CLDN19: variants seen among roughly 807,000 people sequenced by gnomAD.
The protein encoded by CLDN19 is claudin 19.
CLDN19 carries 19 observed loss-of-function variants against 24.5 expected under a neutral mutation model. That is an observed-to-expected ratio of 0.78 (90% CI 0.54 to 1.14). The LOEUF (loss-of-function observed/expected upper bound fraction) is 1.14. CLDN19 is among the 50% of genes most tolerant of loss of function. CLDN19 has a pLI of 0.00. For missense variants in CLDN19, 250 were observed against 295.9 expected, an observed-to-expected ratio of 0.84 and a Z score of 1.14; for synonymous variants, 117 against 129.6, an observed-to-expected ratio of 0.90 and a Z score of 0.66.
chr1:42,736,067 G>T, intron 3 of CLDN19, 37 bp from the exon 4 acceptor site: 1 of 1,407,886 alleles, frequency 7.1e-7, no homozygotes, highest in Non-Finnish European at 9.9e-7. Flanking sequence ...AGGTGTGGCT[G>T]CCGTCTCAGG....
intron 1 of CLDN19, among the ~76,000 whole-genome samples, chr1:42,739,537 A>G (rs1034318563): frequency 1.3e-5 from 2 of 152,208 alleles, no homozygotes; most frequent in African/African-American, 4.8e-5. Context: ...AGAGTGCCAC[A>G]GGTATTAGTA....
rs1297176277 is a variant in CLDN19 at position 42,733,782 on chromosome 1, GGT to G, written c.*1302_*1303del. 2 of 152,890 alleles carry G rather than the reference GGT, an allele frequency of 1.3e-5. No individual in the cohort carries two copies. Among genetic ancestry groups the G allele is most frequent in the Admixed American group, 6.5e-5 (1 of 15,282 alleles). 9.5% of individuals were successfully genotyped at this position (152,890 alleles called of 1,614,324 possible). ...GCACCGGCCAGGCCAGGCGCCGAGG[GGT>G]CAGTCCCCCAGCAGCTCCCTGCCAT... On this transcript the variant is annotated 3_prime_UTR_variant, in exon 5 of 5. Coordinates refer to ENST00000296387, the MANE Select transcript of CLDN19 (RefSeq NM_148960.3).
chr1:42,738,564 GCCCGCGC>G lies in CLDN19; in HGVS notation c.238_244del (p.Ala80ProfsTer2). On this transcript the variant is annotated frameshift_variant, in exon 2 of 5. Coordinates refer to ENST00000296387, the MANE Select transcript of CLDN19 (RefSeq NM_148960.3). LOFTEE classifies it high-confidence loss of function. ...CAGGAGCACGGCCACCACCATCAGG[GCCCGCGC>G]TGATTGGATGTGACCTAGGGTGGGC... The G allele has an allele frequency of 6.2e-7, 1 of 1,613,834 alleles. No individual in the cohort carries two copies.
chr1:42,738,972 C>A (rs530730165), intron 1 of CLDN19, among the ~76,000 whole-genome samples: 2 of 152,236 alleles, frequency 1.3e-5, no homozygotes, highest in African/African-American at 4.8e-5. Context: ...AGGCCCAGCT[C>A]AACTCAGCCT....
intron 4 of CLDN19, 135 bp from the exon 5 acceptor site, chr1:42,735,269 G>T: frequency 1.3e-6 from 2 of 1,540,522 alleles, no homozygotes; most frequent in East Asian, 4.9e-5. Flanking sequence ...CCTGCCTGGG[G>T]CCCATTCCCG....
chr1:42,736,027 A>T lies in CLDN19; in HGVS notation c.477T>A (p.Tyr159Ter). 6.4e-7 allele frequency: 1 copy of T among 1,571,452 alleles called. No homozygotes were observed. The highest frequency in any genetic ancestry group is 8.6e-7 in the Non-Finnish European group (1 of 1,158,250). The change falls in exon 4 of 5, where the codon TAT becomes TAA. Residue 159 changes from tyrosine (Y) to a stop codon, truncating the protein, a stop_gained. Coordinates refer to ENST00000296387, the MANE Select transcript of CLDN19 (RefSeq NM_148960.3). LOFTEE classifies it high-confidence loss of function. ...CCACGAACAGGGCTGGGCCAAATTC[A>T]TACCTGCAAGGGGTAGGGAGAGTGG... ...FNPSTPVNAR[Y>*]EFGPALFVGW... is the part of the protein sequence containing the mutation.
chr1:42,740,140 G>A lies in CLDN19; in HGVS notation c.-77C>T, dbSNP rs938486454. ...CCAGCAGGGGCTTTGGTCATGGCCA[G>A]GTGGGAGGAGCAGCTGGGCAGGGGG... On this transcript the variant is annotated 5_prime_UTR_variant, in exon 1 of 5. Transcript: ENST00000296387. 3 of 1,106,830 alleles carry A rather than the reference G, an allele frequency of 2.7e-6. No individual in the cohort carries two copies. The East Asian group carries it at 7.7e-5, about 28-fold the overall frequency. The allele number at this position is 1,106,830 out of a possible 1,614,324, so 68.6% of individuals were successfully genotyped here. A position where few individuals can be genotyped will look rare whatever the true frequency, so the allele number is the denominator to read the frequency against.
chr1:42,736,397 C>G (rs1651373777), intron 3 of CLDN19, among the ~76,000 whole-genome samples: 1 of 151,936 alleles, frequency 6.6e-6, no homozygotes, highest in African/African-American at 2.4e-5. Context: ...TTCCCAGTCA[C>G]ATTCTGGCCC....
At chr1:42,735,849 T>C (rs748466759) in intron 4 of CLDN19, 29 bp downstream of exon 4, 2 of 1,564,544 alleles carry the variant, frequency 1.3e-6, no homozygotes, top group East Asian at 4.7e-5. Flanking sequence ...GGTGGGGGGC[T>C]GGCCAGGGCA....
intron 1 of CLDN19, 151 bp downstream of exon 1, chr1:42,739,690 C>T (rs370233621): frequency 4.1e-6 from 3 of 726,732 alleles, no homozygotes; most frequent in East Asian, 2.7e-5. Flanking sequence ...TGGCCTGGAC[C>T]GTCAATGGGC....
chr1:42,738,201 A>G (rs1160356438), intron 3 of CLDN19, 28 bp downstream of exon 3: 2 of 1,581,910 alleles, frequency 1.3e-6, no homozygotes, highest in South Asian at 1.1e-5. Context: ...GAGGAGGTAA[A>G]GCAAAAGACC....
chr1:42,737,652 G>A (rs939898903), intron 3 of CLDN19, among the ~76,000 whole-genome samples: 2 of 152,182 alleles, frequency 1.3e-5, no homozygotes, highest in Admixed American at 1.3e-4. Flanking sequence ...ACTTGCCCAG[G>A]TGACACAGTG....
At chr1:42,739,643 A>G (rs1016750761) in intron 1 of CLDN19, among the ~76,000 whole-genome samples, 198 bp downstream of exon 1, 2 of 152,210 alleles carry the variant, frequency 1.3e-5, no homozygotes, top group Non-Finnish European at 2.9e-5. Flanking sequence ...CACAGCCGCC[A>G]GACCCTAGAG....
intron 4 of CLDN19, chr1:42,735,545 A>T (rs12141833): frequency 9.2e-6 from 13 of 1,416,316 alleles, no homozygotes; most frequent in East Asian, 7.6e-5. Context: ...CAGACACCCA[A>T]GCAGCTCTTC....
chr1:42,736,069 C>G, intron 3 of CLDN19, 39 bp from the exon 4 acceptor site: 1 of 1,401,654 alleles, frequency 7.1e-7, no homozygotes. Context: ...GTGTGGCTGC[C>G]GTCTCAGGTT....
At chr1:42,735,523 C>T (rs1223403161) in intron 4 of CLDN19, 10 of 1,416,538 alleles carry the variant, frequency 7.1e-6, no homozygotes, top group Non-Finnish European at 9.2e-6. Context: ...ATCTCTAGGG[C>T]CCAGCACGTA....
In CLDN19 at chr1:42,735,008, T is replaced by C; in HGVS notation, c.*78A>G. The C allele has an allele frequency of 8.5e-7, 1 of 1,179,232 alleles. No homozygotes were observed. The allele number at this position is 1,179,232 out of a possible 1,614,324, so 73.0% of individuals were successfully genotyped here. ...ATGATACCATGATTGGGGCTGGATG[T>C]TCACTTCTCTTTCCAAAAAAATATG... On this transcript the variant is annotated 3_prime_UTR_variant, in exon 5 of 5. Coordinates refer to ENST00000296387, the MANE Select transcript of CLDN19 (RefSeq NM_148960.3).
intron 3 of CLDN19, among the ~76,000 whole-genome samples, chr1:42,736,793 C>T (rs1007896396): frequency 3.3e-5 from 5 of 152,240 alleles, no homozygotes; most frequent in Admixed American, 3.3e-4. Context: ...CCATCAGTGT[C>T]CCCAGGACCC....
intron 3 of CLDN19, 92 bp downstream of exon 3, chr1:42,738,137 C>G (rs1651430439): frequency 1.4e-5 from 15 of 1,087,302 alleles, no homozygotes; most frequent in Non-Finnish European, 1.7e-5. Context: ...GCAGCTGGAT[C>G]CTGTCCCCAC....
Sources: allele counts gnomAD v4.1 joint callset (sites outside exome capture counted in the v4.1 genomes callset), GRCh38; gene constraint gnomAD v4.1.1; transcripts MANE v1.5; gene names NCBI Gene and HGNC (gene_info 2026-07-23, HGNC 2026-07-21).